The following SORCS2 variants were observed in gnomAD, a reference collection of about 807,000 sequenced individuals.
SORCS2 encodes the protein sortilin related VPS10 domain containing receptor 2, also known as VPS10 domain-containing receptor SorCS2.
SORCS2 carries 100 observed loss-of-function variants against 141.6 expected under a neutral mutation model. That is an observed-to-expected ratio of 0.71 (90% CI 0.60 to 0.83). The LOEUF is 0.83. Among genes scored for constraint, SORCS2 ranks in the 40% least tolerant of loss-of-function variants. SORCS2 has a pLI of 0.00. For missense variants in SORCS2, 1,646 were observed against 1,560.2 expected, an observed-to-expected ratio of 1.05 and a Z score of -0.93; for synonymous variants, 789 against 676.9, an observed-to-expected ratio of 1.17 and a Z score of -2.57.
chr4:7,722,979 G>A (rs1560111657), intron 18 of SORCS2, among the ~76,000 whole-genome samples: 1 of 152,118 alleles, frequency 6.6e-6, no homozygotes, highest in Non-Finnish European at 1.5e-5. Flanking sequence ...AAGGGAGGGA[G>A]GGAGAATGTG....
At chr4:7,365,414 G>A (rs995223200) in intron 1 of SORCS2, among the ~76,000 whole-genome samples, 5 of 152,138 alleles carry the variant, frequency 3.3e-5, no homozygotes, top group Non-Finnish European at 7.4e-5. Flanking sequence ...CACCAGGAGG[G>A]TTGGGGTGCA....
At chr4:7,405,738 A>G (rs961213710) in intron 2 of SORCS2, among the ~76,000 whole-genome samples, 4 of 151,756 alleles carry the variant, frequency 2.6e-5, no homozygotes, top group Non-Finnish European at 5.9e-5. Flanking sequence ...CTGTTTTTTC[A>G]TGGACTCTTT....
chr4:7,703,346 A>G lies in SORCS2; in HGVS notation c.1735A>G (p.Thr579Ala). Reference protein sequence around the residue: ...HGGVIVAIKDTSIPLKILKFS... With the variant: ...HGGVIVAIKDASIPLKILKFS... The stretch of plus-strand genomic sequence containing the variant: ...CGGCGTGATCGTGGCCATCAAAGAC[A>G]CCTCCATCCCTTTGAAGATCCTCAA... The change falls in exon 13 of 27, where the codon ACC (threonine) becomes GCC (alanine). Residue 579 changes from threonine to alanine, a missense_variant. Thr to Ala is a moderately conservative substitution (Grantham distance 58). Transcript: ENST00000507866. The G allele has an allele frequency of 1.2e-6, 2 of 1,613,080 alleles. No individual in the cohort carries two copies. Among genetic ancestry groups the G allele is most frequent in the Admixed American group, 3.3e-5 (2 of 59,922 alleles).
chr4:7,276,359 G>C (rs1715501952), intron 1 of SORCS2, among the ~76,000 whole-genome samples: 1 of 152,142 alleles, frequency 6.6e-6, no homozygotes, highest in Non-Finnish European at 1.5e-5. Context: ...ATCTCAAGCT[G>C]TTCCCTCCGG....
At chr4:7,587,479 A>G (rs986077106) in intron 3 of SORCS2, among the ~76,000 whole-genome samples, 5 of 152,248 alleles carry the variant, frequency 3.3e-5, no homozygotes, top group African/African-American at 1.2e-4. Context: ...GCATTCTGCC[A>G]GGAGACTGTC....
At chr4:7,198,629 C>T (rs1015286996) in intron 1 of SORCS2, among the ~76,000 whole-genome samples, 1 of 152,074 alleles carries the variant, frequency 6.6e-6, no homozygotes, top group Non-Finnish European at 1.5e-5. Flanking sequence ...CCAAGGGTGT[C>T]CAGCGGCCAC....
At chr4:7,676,907 C>CTCTCTCT (rs1560475883) in intron 9 of SORCS2, among the ~76,000 whole-genome samples, 21 of 7,076 alleles carry the variant, frequency 3.0e-3, no homozygotes, top group Admixed American at 0.013. Flanking sequence ...TCTCTCTCTC[C>CTCTCTCT]CTCTCTCCCT....
chr4:7,380,951 AGG>A (rs1435631513), intron 1 of SORCS2, among the ~76,000 whole-genome samples: 4 of 152,034 alleles, frequency 2.6e-5, no homozygotes, highest in Admixed American at 6.6e-5. Context: ...GTGTGGTGGC[AGG>A]TGCCTGTAGT....
intron 3 of SORCS2, among the ~76,000 whole-genome samples, chr4:7,567,178 T>A (rs1715075454): frequency 6.6e-6 from 1 of 152,384 alleles, no homozygotes; most frequent in Middle Eastern, 3.4e-3. Flanking sequence ...TTGCCCACAA[T>A]TTCCTGTTAT....
rs1455180026 is a variant in SORCS2, at chr4:7,663,162, GTGAA to G, written c.953-1187_953-1184del. ...AGTGAGTAATTGAAAGAGTGAGTGA[GTGAA>G]TGAGTGATGAGTGAATGAGTGAGTG... On this transcript the variant is annotated intron_variant, in intron 6 of 26. Transcript: ENST00000507866. This position sits in a 1 kb window ranked among gnomAD's most constrained non-coding sequence, Gnocchi z 4.8. Among the ~76,000 whole-genome samples the G allele has an allele frequency of 2.0e-5, 3 of 151,840 alleles. No homozygotes were observed. Among genetic ancestry groups the G allele is most frequent in the African/African-American group, 7.3e-5 (3 of 41,228 alleles).
At chr4:7,391,547 C>G (rs1723865980) in intron 1 of SORCS2, among the ~76,000 whole-genome samples, 1 of 152,132 alleles carries the variant, frequency 6.6e-6, no homozygotes, top group Non-Finnish European at 1.5e-5. Flanking sequence ...GGCCTAGGGT[C>G]TCTCCAGGAA....
chr4:7,234,881 CAG>C (rs1485386269), intron 1 of SORCS2, among the ~76,000 whole-genome samples: 5 of 152,388 alleles, frequency 3.3e-5, no homozygotes, highest in Middle Eastern at 3.4e-3. Context: ...GGGACAGACT[CAG>C]GGGCAGGCAG....
At chr4:7,505,817 A>G (rs1732242556) in intron 2 of SORCS2, among the ~76,000 whole-genome samples, 1 of 152,208 alleles carries the variant, frequency 6.6e-6, no homozygotes, top group Non-Finnish European at 1.5e-5. Context: ...GTTTTCCCGT[A>G]GGACGAATGG....
chr4:7,300,527 CG>C (rs1301053572), intron 1 of SORCS2, among the ~76,000 whole-genome samples: 1 of 152,182 alleles, frequency 6.6e-6, no homozygotes, highest in Non-Finnish European at 1.5e-5. Flanking sequence ...CATGAGTCCC[CG>C]CCACCACGGC....
intron 1 of SORCS2, among the ~76,000 whole-genome samples, chr4:7,283,292 C>T (rs369278840): frequency 3.7e-4 from 57 of 152,282 alleles, no homozygotes; most frequent in Admixed American, 6.5e-4. Context: ...GGGAGAGGGT[C>T]GAGGAGAGAA....
chr4:7,517,631 G>A (rs1288309082), intron 2 of SORCS2, among the ~76,000 whole-genome samples: 1 of 152,144 alleles, frequency 6.6e-6, no homozygotes, highest in Non-Finnish European at 1.5e-5. Context: ...GTAAACGGAG[G>A]CTCTCCTTTG....
rs968325235 is a variant in SORCS2 at position 7,295,383 on chromosome 4, C to T, written c.481-100905C>T. ...CAGCAGGCAGCACCCTGAGCTCTGC[C>T]GGCCGGCCGGGTGCGTTGCTACTGG... On this transcript the variant is annotated intron_variant, in intron 1 of 26. Coordinates refer to ENST00000507866, the MANE Select transcript of SORCS2 (RefSeq NM_020777.3). Among the ~76,000 whole-genome samples the T allele has an allele frequency of 8.6e-5, 13 of 151,884 alleles. 1 individual carries two copies. The highest frequency in any genetic ancestry group is 6.8e-3 in the Middle Eastern group (2 of 294).
chr4:7,535,239 A>C (rs1046705387), intron 3 of SORCS2, among the ~76,000 whole-genome samples: 1 of 152,220 alleles, frequency 6.6e-6, no homozygotes, highest in East Asian at 1.9e-4. Context: ...AGGCCCACCA[A>C]GGGCCTTGCT....
chr4:7,556,895 C>T (rs150756512), intron 3 of SORCS2, among the ~76,000 whole-genome samples: 1 of 149,228 alleles, frequency 6.7e-6, no homozygotes, highest in African/African-American at 2.5e-5. Context: ...CACCCACCCA[C>T]CATCCATCCA....
Sources: allele counts gnomAD v4.1 joint callset (sites outside exome capture counted in the v4.1 genomes callset), GRCh38; gene constraint gnomAD v4.1.1; non-coding constraint Gnocchi (gnomAD v3.1); transcripts MANE v1.5; gene names NCBI Gene and HGNC (gene_info 2026-07-23, HGNC 2026-07-21).